The following TBCD variants were observed in gnomAD, a reference collection of about 807,000 sequenced individuals.
TBCD encodes tubulin-specific chaperone D.
TBCD carries 105 observed loss-of-function variants against 169.3 expected under a neutral mutation model. The observed-to-expected ratio is 0.62, with a 90% confidence interval of 0.53 to 0.73. TBCD has a LOEUF of 0.73. Ranked by LOEUF, TBCD falls within the 30% of genes least tolerant of loss-of-function variation. The pLI is 0.00. For missense variants in TBCD, 1,444 were observed against 1,600.1 expected (o/e 0.90, Z 1.66); for synonymous variants, 700 against 643.9 (o/e 1.09, Z -1.32).
Position 82,942,628 on chromosome 17 carries a change from G to C in TBCD, c.*165G>C. 1 of 842,496 alleles carries C rather than the reference G, an allele frequency of 1.2e-6. No homozygotes were observed. 52.2% of individuals were successfully genotyped at this position (842,496 alleles called of 1,614,324 possible). The stretch of plus-strand genomic sequence containing the variant: ...GACAGCTTTTCCTCTCTGCACCTGC[G>C]CTCTGGTGACTTGGGGTGGACGCCT... On this transcript the variant is annotated 3_prime_UTR_variant, in exon 39 of 39. Transcript: ENST00000355528.
At chr17:82,828,031 G>GCA (rs1319459662) in intron 13 of TBCD, among the ~76,000 whole-genome samples, 15 of 137,072 alleles carry the variant, frequency 1.1e-4, no homozygotes, top group East Asian at 7.0e-4. Context: ...ACGTGGACAC[G>GCA]CACGATTCAA....
intron 3 of TBCD, among the ~76,000 whole-genome samples, chr17:82,765,593 G>C (rs1486470552): frequency 6.6e-6 from 1 of 152,186 alleles, no homozygotes; most frequent in Admixed American, 6.6e-5. Flanking sequence ...GACACTGCGG[G>C]TGAGCTGCCA....
rs1239676655 is a variant in TBCD, at chr17:82,752,265, C to A, written c.72C>A (p.Gly24=). 17 of 1,521,020 alleles carry A rather than the reference C, an allele frequency of 1.1e-5. No homozygotes were observed. The highest frequency in any genetic ancestry group is 1.4e-5 in the Non-Finnish European group (16 of 1,139,200). The allele number at this position is 1,521,020 out of a possible 1,614,324, so 94.2% of individuals were successfully genotyped here. Reference sequence around the variant, plus strand: ...CGGAGGACGAGACACTGGCCTTTGGCGCGGCGCTGGAAGCGTTCGGCGAGA... The same window carrying A: ...CGGAGGACGAGACACTGGCCTTTGGAGCGGCGCTGGAAGCGTTCGGCGAGA... The part of the protein sequence containing the change: ...EEAEDETLAF[G]AALEAFGESA... Residue 24 remains glycine (G), a synonymous_variant, in exon 1 of 39, where the codon GGC becomes GGA. Coordinates refer to ENST00000355528, the MANE Select transcript of TBCD (RefSeq NM_005993.5).
intron 17 of TBCD, among the ~76,000 whole-genome samples, chr17:82,894,921 G>A (rs928720165): frequency 4.6e-5 from 7 of 152,198 alleles, no homozygotes; most frequent in African/African-American, 1.7e-4. Context: ...AGGCTGCAGT[G>A]AGCCGAGATC....
intron 19 of TBCD, among the ~76,000 whole-genome samples, chr17:82,904,459 T>C (rs917290919): frequency 1.3e-5 from 2 of 152,230 alleles, no homozygotes; most frequent in Non-Finnish European, 2.9e-5. Context: ...AAGGCCTGAA[T>C]GGGAGACTCA....
chr17:82,803,325 G>T (rs1316922491), intron 9 of TBCD, among the ~76,000 whole-genome samples: 1 of 152,220 alleles, frequency 6.6e-6, no homozygotes, highest in Admixed American at 6.5e-5. Flanking sequence ...CTCCCGTCCT[G>T]CTGGGCCCGG....
chr17:82,752,416 C>A, intron 1 of TBCD, 39 bp downstream of exon 1: 1 of 1,198,476 alleles, frequency 8.3e-7, no homozygotes, highest in East Asian at 3.6e-5. Context: ...CCTCCCCCGG[C>A]CCGGGTTCGG....
At chr17:82,893,654 CA>C in intron 17 of TBCD, 22 bp downstream of exon 17, 3 of 1,521,380 alleles carry the variant, frequency 2.0e-6, no homozygotes, top group Non-Finnish European at 2.7e-6. Context: ...ATGTATATCA[CA>C]AAAATAGAAT....
intron 14 of TBCD, among the ~76,000 whole-genome samples, chr17:82,881,958 G>C (rs2058386743): frequency 6.6e-6 from 1 of 151,450 alleles, no homozygotes; most frequent in Non-Finnish European, 1.5e-5. Context: ...GGCAGAGCCT[G>C]TGAGACTTGC....
At position 82,920,551 on chromosome 17, in the gene TBCD, T is replaced by TTC; in HGVS notation, c.2039-5_2039-4insTC. ...TGCGTCTATCCTTTTTTTTTTTTTT[T>TTC]CCAGTGTGTGTTTTAATAGAAAAGT... On this transcript the variant is annotated splice_polypyrimidine_tract_variant and splice_region_variant and intron_variant, in intron 23 of 38. Transcript: ENST00000355528. The surrounding 1 kb of genome is among the most constrained non-coding windows in gnomAD (Gnocchi z 4.1). 6.5e-7 allele frequency: 1 copy of TTC among 1,534,746 alleles called. No homozygotes were observed. Among genetic ancestry groups the TTC allele is most frequent in the Non-Finnish European group, 8.7e-7 (1 of 1,143,076 alleles).
At chr17:82,761,945 T>C (rs1195766453) in intron 2 of TBCD, among the ~76,000 whole-genome samples, 1 of 149,696 alleles carries the variant, frequency 6.7e-6, no homozygotes, top group Non-Finnish European at 1.5e-5. Flanking sequence ...ACCAGGATGG[T>C]CTCGATCTCC....
In TBCD at chr17:82,782,082, A is replaced by T. The variant is rs1209532408; in HGVS notation, c.771+361A>T. Among the ~76,000 whole-genome samples, 2 of 152,128 alleles carry T rather than the reference A, an allele frequency of 1.3e-5. No individual in the cohort carries two copies. The highest frequency in any genetic ancestry group is 4.8e-5 in the African/African-American group (2 of 41,416). On this transcript the variant is annotated intron_variant, in intron 7 of 38. Coordinates refer to ENST00000355528, the MANE Select transcript of TBCD (RefSeq NM_005993.5). This position sits in a 1 kb window ranked among gnomAD's most constrained non-coding sequence, Gnocchi z 5.1. ...TAATAAAACAAGGTGGGTGAGTTGA[A>T]ATTTGATTCTGTTCCTTTGCACTGG...
rs1317354718 is a variant in TBCD at position 82,806,262 on chromosome 17, C to A, written c.1087+251C>A. On this transcript the variant is annotated intron_variant, in intron 10 of 38. Coordinates refer to ENST00000355528, the MANE Select transcript of TBCD (RefSeq NM_005993.5). The surrounding 1 kb of genome is among the most constrained non-coding windows in gnomAD (Gnocchi z 5.1). ...CGCCTCGCCTCCTTCCTGACCTGGG[C>A]TGCCTGTTCTGGGCAGCTGGGTGTG... Among the ~76,000 whole-genome samples the A allele has an allele frequency of 6.6e-6, 1 of 152,146 alleles. No individual in the cohort carries two copies. The highest frequency in any genetic ancestry group is 1.5e-5 in the Non-Finnish European group (1 of 68,016).
rs1296532433 is a variant in TBCD, at chr17:82,874,102, A to G, written c.1475+3722A>G. On this transcript the variant is annotated intron_variant, in intron 14 of 38. Transcript: ENST00000355528. The surrounding 1 kb of genome is among the most constrained non-coding windows in gnomAD (Gnocchi z 5.0). ...CCCAGCTGGGTGTGGGGTTGAGCCC[A>G]TCATGCTGTGGGGTGCTCCCTGGGG... 1.3e-5 allele frequency among the ~76,000 whole-genome samples: 2 copies of G among 152,106 alleles called. No homozygotes were observed. Among genetic ancestry groups the G allele is most frequent in the African/African-American group, 4.8e-5 (2 of 41,428 alleles).
At chr17:82,875,607 C>G (rs1015917708) in intron 14 of TBCD, among the ~76,000 whole-genome samples, 2 of 152,208 alleles carry the variant, frequency 1.3e-5, no homozygotes, top group Non-Finnish European at 2.9e-5. Flanking sequence ...CGGCGCGGCC[C>G]AGGGAGGATC....
chr17:82,870,135 C>T (rs901050378), intron 13 of TBCD, 89 bp from the exon 14 acceptor site: 21 of 1,566,544 alleles, frequency 1.3e-5, no homozygotes, highest in African/African-American at 1.2e-4. Context: ...ACCGTGACCG[C>T]GCTCCGGCCC....
chr17:82,932,449 T>C (rs2062287273), intron 33 of TBCD, among the ~76,000 whole-genome samples: 3 of 152,250 alleles, frequency 2.0e-5, no homozygotes, highest in Non-Finnish European at 4.4e-5. Flanking sequence ...CCTTCCACTT[T>C]ACCATCATTT....
chr17:82,765,876 GA>G (rs1220506255), intron 3 of TBCD, among the ~76,000 whole-genome samples: 7 of 152,132 alleles, frequency 4.6e-5, no homozygotes, highest in Non-Finnish European at 1.0e-4. Context: ...AGAGTGCAGT[GA>G]TGCAGTCAGC....
intron 6 of TBCD, among the ~76,000 whole-genome samples, chr17:82,776,231 G>A (rs1217184719): frequency 6.6e-6 from 1 of 151,850 alleles, no homozygotes; most frequent in Non-Finnish European, 1.5e-5. Flanking sequence ...AAAAAAAAGA[G>A]GTACGCTGTA....
Sources: allele counts gnomAD v4.1 joint callset (sites outside exome capture counted in the v4.1 genomes callset), GRCh38; gene constraint gnomAD v4.1.1; non-coding constraint Gnocchi (gnomAD v3.1); transcripts MANE v1.5; gene names NCBI Gene and HGNC (gene_info 2026-07-23, HGNC 2026-07-21).